RBFOX1: variants seen among roughly 807,000 people sequenced by gnomAD.
The protein encoded by RBFOX1 is RNA binding fox-1 homolog 1.
In RBFOX1, 8 loss-of-function variants were observed where a neutral mutation model predicts 57.7. The ratio of observed to expected loss-of-function variants is 0.14; its 90% CI spans 0.08 to 0.25. The LOEUF (loss-of-function observed/expected upper bound fraction) is 0.25. RBFOX1 is among the 10% of genes least tolerant of loss of function. RBFOX1 has a pLI of 1.00. For missense variants in RBFOX1, 611 were observed against 548.5 expected (o/e 1.11, Z -1.14); for synonymous variants, 326 against 222.4 (o/e 1.47, Z -4.15).
chr16:5,784,306 A>G lies in RBFOX1; in HGVS notation c.319-82997A>G, dbSNP rs563298977. 3.8e-3 allele frequency among the ~76,000 whole-genome samples: 578 copies of G among 152,314 alleles called. 1 individual carries two copies. The highest frequency in any genetic ancestry group is 0.017 in the Middle Eastern group (5 of 294). ...GCTGGGCGTGGTGGCTGGCGCCTGTAGTCCCAGCTACTTGGGAGGCTGAGG... is the reference window on the plus strand; with the variant it reads ...GCTGGGCGTGGTGGCTGGCGCCTGTGGTCCCAGCTACTTGGGAGGCTGAGG... On this transcript the variant is annotated intron_variant, in intron 3 of 19. Transcript: ENST00000641259.
intron 3 of RBFOX1, among the ~76,000 whole-genome samples, chr16:6,831,812 C>A (rs1242208919): frequency 6.6e-6 from 1 of 152,132 alleles, no homozygotes; most frequent in Non-Finnish European, 1.5e-5. Flanking sequence ...CAAGACCCAG[C>A]ACTTGGGGAA....
chr16:6,422,147 T>C (rs1336260333), intron 2 of RBFOX1, among the ~76,000 whole-genome samples: 4 of 151,826 alleles, frequency 2.6e-5, no homozygotes, highest in African/African-American at 7.3e-5. Flanking sequence ...GGTCTCAAAC[T>C]CCTGACCTTA....
At chr16:6,230,944 G>A (rs1411086398) in intron 1 of RBFOX1, among the ~76,000 whole-genome samples, 1 of 152,144 alleles carries the variant, frequency 6.6e-6, no homozygotes. Context: ...AGTAGATGTA[G>A]CCCTCTGACT....
chr16:6,729,965 C>G (rs2068126139), intron 3 of RBFOX1, among the ~76,000 whole-genome samples: 1 of 151,894 alleles, frequency 6.6e-6, no homozygotes, highest in Admixed American at 6.6e-5. Flanking sequence ...AAACTCAGAT[C>G]CTGATGCCAA....
At chr16:5,959,151 C>T (rs58600168) in intron 4 of RBFOX1, among the ~76,000 whole-genome samples, 3,543 of 152,260 alleles carry the variant, frequency 0.023, 139 homozygotes, top group African/African-American at 0.081. Context: ...ACAGACTGCC[C>T]ATCCTGTTCC....
upstream of RBFOX1, among the ~76,000 whole-genome samples, chr16:6,016,194 C>A (rs1423076483): frequency 6.6e-6 from 1 of 152,130 alleles, no homozygotes; most frequent in Non-Finnish European, 1.5e-5. Flanking sequence ...TAAGCTGAGA[C>A]AAATGACAGG....
intron 3 of RBFOX1, among the ~76,000 whole-genome samples, chr16:5,780,459 A>C (rs2054289419): frequency 6.6e-6 from 1 of 152,228 alleles, no homozygotes; most frequent in Non-Finnish European, 1.5e-5. Context: ...TACACAAGGG[A>C]ATGAATATGA....
chr16:5,984,508 C>G (rs900341754), intron 4 of RBFOX1, among the ~76,000 whole-genome samples: 3 of 152,024 alleles, frequency 2.0e-5, no homozygotes, highest in Non-Finnish European at 2.9e-5. Context: ...TGTGTGGCAG[C>G]TGCTATGCAA....
intron 2 of RBFOX1, among the ~76,000 whole-genome samples, chr16:6,422,728 C>T (rs553627837): frequency 5.3e-4 from 80 of 152,198 alleles, no homozygotes; most frequent in African/African-American, 1.8e-3. Context: ...TTCACTAGCA[C>T]AAAAATAGCA....
At chr16:6,925,853 TA>T (rs557230013) in intron 3 of RBFOX1, among the ~76,000 whole-genome samples, 1,565 of 150,566 alleles carry the variant, frequency 0.01, 23 homozygotes, top group Non-Finnish European at 0.015. Context: ...TTATGTGATT[TA>T]AAAAAAAAAT....
At chr16:5,559,766 C>A (rs992112556) in intron 2 of RBFOX1, among the ~76,000 whole-genome samples, 20 of 152,160 alleles carry the variant, frequency 1.3e-4, no homozygotes, top group Admixed American at 7.2e-4. Flanking sequence ...ATAACCACTC[C>A]CCTCATCTTG....
At chr16:5,938,403 G>C (rs1434362349) in intron 4 of RBFOX1, among the ~76,000 whole-genome samples, 19 of 152,150 alleles carry the variant, frequency 1.2e-4, no homozygotes, top group Admixed American at 1.2e-3. Context: ...GACTTAGCAA[G>C]TTCGAATATT....
intron 4 of RBFOX1, among the ~76,000 whole-genome samples, chr16:7,302,389 G>A (rs1004233523): frequency 5.3e-5 from 8 of 152,116 alleles, no homozygotes; most frequent in African/African-American, 1.4e-4. Flanking sequence ...TGATGGCTGG[G>A]TTCAGAGCCT....
intron 3 of RBFOX1, among the ~76,000 whole-genome samples, chr16:6,990,316 G>C (rs2091209660): frequency 6.6e-6 from 1 of 152,084 alleles, no homozygotes; most frequent in Admixed American, 6.5e-5. Flanking sequence ...CCTGAGGTCA[G>C]GAGTTCGAGA....
chr16:6,366,539 T>C (rs1031264787), intron 2 of RBFOX1, among the ~76,000 whole-genome samples: 1 of 152,174 alleles, frequency 6.6e-6, no homozygotes, highest in African/African-American at 2.4e-5. Context: ...ACCTGAATTT[T>C]CTCTATATCA....
chr16:5,984,289 C>T (rs1039135192), intron 4 of RBFOX1, among the ~76,000 whole-genome samples: 8 of 149,214 alleles, frequency 5.4e-5, no homozygotes, highest in African/African-American at 1.5e-4. Flanking sequence ...ATACACGTTA[C>T]CTCTCTCCAT....
At chr16:7,354,015 A>T (rs2097172133) in intron 4 of RBFOX1, among the ~76,000 whole-genome samples, 1 of 152,134 alleles carries the variant, frequency 6.6e-6, no homozygotes, top group Non-Finnish European at 1.5e-5. Flanking sequence ...TCTGTCACTC[A>T]GGCTGGAGTG....
At chr16:6,416,556 C>G (rs533646074) in intron 2 of RBFOX1, among the ~76,000 whole-genome samples, 2 of 151,984 alleles carry the variant, frequency 1.3e-5, no homozygotes, top group Non-Finnish European at 2.9e-5. Context: ...AACTCAGAAA[C>G]AGATAAGAAA....
intron 4 of RBFOX1, among the ~76,000 whole-genome samples, chr16:7,393,112 G>A (rs1475066539): frequency 6.6e-6 from 1 of 152,168 alleles, no homozygotes; most frequent in African/African-American, 2.4e-5. Flanking sequence ...GACCTCAGGT[G>A]ATCTGCCTGC....
Sources: allele counts gnomAD v4.1 joint callset (sites outside exome capture counted in the v4.1 genomes callset), GRCh38; gene constraint gnomAD v4.1.1; transcripts MANE v1.5; gene names NCBI Gene and HGNC (gene_info 2026-07-23, HGNC 2026-07-21).